The following C5orf47 variants were observed in gnomAD, a reference collection of about 807,000 sequenced individuals.
C5orf47 encodes the protein uncharacterized protein C5orf47.
A neutral mutation model predicts 20.6 loss-of-function variants in C5orf47; 20 were observed. The ratio of observed to expected loss-of-function variants is 0.97; its 90% CI spans 0.68 to 1.41. C5orf47 has a LOEUF of 1.41. Ranked by LOEUF, C5orf47 falls within the 40% of genes most tolerant of loss-of-function variation. The probability of loss-of-function intolerance (pLI) is 0.00; values close to 1 mark genes in which losing one functional copy is unlikely to be tolerated. For synonymous variants in C5orf47, 106 were observed against 97.3 expected (o/e 1.09, Z -0.53); for missense variants, 262 against 238.4 (o/e 1.10, Z -0.65).
chr5:174,000,515 C>A (rs548935198), intron 3 of C5orf47, among the ~76,000 whole-genome samples: 5 of 152,194 alleles, frequency 3.3e-5, no homozygotes, highest in African/African-American at 1.2e-4. Flanking sequence ...GTCTTTCTTT[C>A]CTGCACATGC....
intron 1 of C5orf47, among the ~76,000 whole-genome samples, chr5:173,997,617 G>C (rs1759121589): frequency 6.6e-6 from 1 of 152,142 alleles, no homozygotes; most frequent in Non-Finnish European, 1.5e-5. Flanking sequence ...GATCCATGCT[G>C]TGTGTTGAGC....
At chr5:173,990,259 G>A (rs1474123962) in intron 1 of C5orf47, among the ~76,000 whole-genome samples, 1 of 142,408 alleles carries the variant, frequency 7.0e-6, no homozygotes, top group Non-Finnish European at 1.5e-5. Flanking sequence ...ACCACAGGTG[G>A]GCACCTCCAT....
At chr5:174,006,145 G>A (rs1418296206), downstream of C5orf47, 1 of 152,270 alleles carries the variant, frequency 6.6e-6, no homozygotes, top group East Asian at 1.9e-4. Flanking sequence ...ACTGCATTGT[G>A]GTCCTGCCTT....
intron 1 of C5orf47, among the ~76,000 whole-genome samples, chr5:173,997,140 A>G (rs1466564702): frequency 6.6e-6 from 1 of 152,222 alleles, no homozygotes; most frequent in Non-Finnish European, 1.5e-5. Flanking sequence ...TCAAGTAAAC[A>G]GTGTGATAAA....
At chr5:173,992,038 T>C (rs1759006593) in intron 1 of C5orf47, among the ~76,000 whole-genome samples, 1 of 152,190 alleles carries the variant, frequency 6.6e-6, no homozygotes. Context: ...AATCTGTATT[T>C]CCTTAAGGAA....
At chr5:174,003,781 C>T (rs572524640) in intron 4 of C5orf47, among the ~76,000 whole-genome samples, 28 of 152,158 alleles carry the variant, frequency 1.8e-4, no homozygotes, top group African/African-American at 6.0e-4. Context: ...ACATGAAATT[C>T]GCAGGAAATC....
intron 1 of C5orf47, among the ~76,000 whole-genome samples, chr5:173,993,534 C>T (rs1421477191): frequency 1.3e-5 from 2 of 152,152 alleles, no homozygotes. Context: ...ATCCCAGCTA[C>T]TGGGGAGGCT....
At chr5:174,002,734 T>G (rs1382974388) in intron 4 of C5orf47, among the ~76,000 whole-genome samples, 1 of 152,172 alleles carries the variant, frequency 6.6e-6, no homozygotes, top group Non-Finnish European at 1.5e-5. Flanking sequence ...CATTTCACTT[T>G]TTTCCCTATT....
intron 1 of C5orf47, among the ~76,000 whole-genome samples, chr5:173,990,742 C>G (rs1301536967): frequency 6.6e-6 from 1 of 152,166 alleles, no homozygotes; most frequent in Non-Finnish European, 1.5e-5. Flanking sequence ...CAGGCCCTCT[C>G]TTGGTTTTTC....
chr5:174,001,376 G>C, intron 4 of C5orf47, 145 bp downstream of exon 4: 1 of 576,224 alleles, frequency 1.7e-6, no homozygotes, highest in Admixed American at 3.4e-5. Context: ...TTGGCACATA[G>C]TAGGCACTCA....
chr5:173,990,471 G>A (rs1454698315), intron 1 of C5orf47, among the ~76,000 whole-genome samples: 1 of 151,880 alleles, frequency 6.6e-6, no homozygotes, highest in Admixed American at 6.6e-5. Context: ...GTCTTGCCCT[G>A]TTGCCCAGAC....
In C5orf47 at chr5:173,989,342, A is replaced by G. The variant is rs1210391883; in HGVS notation, c.79A>G (p.Ser27Gly). The part of the protein sequence containing the change: ...YVTRFGSHQC[S>G]GVLQLGGRGA... ...GACGCGCTTCGGCTCGCATCAGTGC[A>G]GTGGCGTCCTGCAACTGGGCGGCCG... The change falls in exon 1 of 5, where the codon AGT (serine) becomes GGT (glycine). Residue 27 changes from serine (S) to glycine (G), a missense_variant. Transcript: ENST00000340147. 6.0e-6 allele frequency: 9 copies of G among 1,496,592 alleles called. No homozygotes were observed. The East Asian group carries it at 2.3e-4, about 38-fold the overall frequency. The allele number at this position is 1,496,592 out of a possible 1,614,324, so 92.7% of individuals were successfully genotyped here.
intron 1 of C5orf47, among the ~76,000 whole-genome samples, chr5:173,994,934 C>T (rs1451315331): frequency 1.3e-5 from 2 of 152,082 alleles, no homozygotes; most frequent in Non-Finnish European, 1.5e-5. Context: ...CTGCCTCAGC[C>T]TCCCAAGTAG....
chr5:173,989,971 A>G (rs1231613939), intron 1 of C5orf47, among the ~76,000 whole-genome samples: 1 of 152,194 alleles, frequency 6.6e-6, no homozygotes, highest in African/African-American at 2.4e-5. Flanking sequence ...TTACGTTTAA[A>G]TCAGGAAATG....
chr5:173,997,299 G>A (rs957561389), intron 1 of C5orf47, among the ~76,000 whole-genome samples: 1 of 152,104 alleles, frequency 6.6e-6, no homozygotes, highest in African/African-American at 2.4e-5. Context: ...GAATATTCTA[G>A]ACAAAATGAG....
At chr5:173,990,697 C>G (rs1561645926) in intron 1 of C5orf47, among the ~76,000 whole-genome samples, 3 of 152,026 alleles carry the variant, frequency 2.0e-5, no homozygotes, top group East Asian at 1.9e-4. Flanking sequence ...CTCAGCCTCC[C>G]AAAGTGTTGG....
intron 1 of C5orf47, among the ~76,000 whole-genome samples, chr5:173,990,075 G>A (rs1003775827): frequency 1.1e-4 from 17 of 151,162 alleles, no homozygotes; most frequent in African/African-American, 3.6e-4. Context: ...TGTAAATGGG[G>A]TTTCTTTTTA....
rs550599137 is a variant in C5orf47 at position 173,989,627 on chromosome 5, G to GCGGGA, written c.325+44_325+48dup. 939 of 1,360,766 alleles carry GCGGGA rather than the reference G, an allele frequency of 6.9e-4. 12 individuals are homozygous for GCGGGA. In the African/African-American group the frequency reaches 0.013, roughly 19 times the overall value. The allele number at this position is 1,360,766 out of a possible 1,614,324, so 84.3% of individuals were successfully genotyped here. A position where few individuals can be genotyped will look rare whatever the true frequency, so the allele number is the denominator to read the frequency against. On this transcript the variant is annotated intron_variant, in intron 1 of 4. Transcript: ENST00000340147. ...GCAGGGCGGGACCGGGCGCGGCGGG[G>GCGGGA]CGGGACGGGGCGGAGCGGGCTCAGC...
At chr5:174,001,024 A>G (rs1161726893) in intron 3 of C5orf47, among the ~76,000 whole-genome samples, 172 bp from the exon 4 acceptor site, 1 of 152,198 alleles carries the variant, frequency 6.6e-6, no homozygotes, top group Non-Finnish European at 1.5e-5. Flanking sequence ...CTGGTAAACC[A>G]GTTCATTATT....
Sources: allele counts gnomAD v4.1 joint callset (sites outside exome capture counted in the v4.1 genomes callset), GRCh38; gene constraint gnomAD v4.1.1; transcripts MANE v1.5; gene names NCBI Gene and HGNC (gene_info 2026-07-23, HGNC 2026-07-21).